KCNK3: variants seen among roughly 807,000 people sequenced by gnomAD.
KCNK3 encodes potassium channel subfamily K member 3.
Under a neutral mutation model 27.3 loss-of-function variants are expected in KCNK3, and 9 were observed. That is an observed-to-expected ratio of 0.33 (90% CI 0.20 to 0.57). The LOEUF (loss-of-function observed/expected upper bound fraction) is 0.57. Among genes scored for constraint, KCNK3 ranks in the 20% least tolerant of loss-of-function variants. KCNK3 has a pLI of 0.87. For synonymous variants in KCNK3, 278 were observed against 273.8 expected, an observed-to-expected ratio of 1.02 and a Z score of -0.15; for missense variants, 391 against 577.7, an observed-to-expected ratio of 0.68 and a Z score of 3.31.
chr2:26,707,845 C>T (rs979243486), intron 1 of KCNK3, among the ~76,000 whole-genome samples: 7 of 152,164 alleles, frequency 4.6e-5, no homozygotes, highest in Admixed American at 3.3e-4. Context: ...GGGAGATGGG[C>T]AGTGGCGTGC....
intron 1 of KCNK3, chr2:26,724,525 A>C: frequency 4.6e-6 from 4 of 875,208 alleles, no homozygotes; most frequent in Non-Finnish European, 4.1e-6. Flanking sequence ...CCTTGTAAGA[A>C]GTTTTTGAGG....
intron 1 of KCNK3, among the ~76,000 whole-genome samples, chr2:26,717,155 C>A (rs1475485021): frequency 6.6e-6 from 1 of 152,174 alleles, no homozygotes; most frequent in Non-Finnish European, 1.5e-5. Flanking sequence ...GGTAGCCAGG[C>A]CTCCTGACTC....
At position 26,728,227 on chromosome 2, in the gene KCNK3, A is replaced by G. The variant is rs779537390; in HGVS notation, c.844A>G (p.Thr282Ala). 7 of 1,568,546 alleles carry G rather than the reference A, an allele frequency of 4.5e-6. No individual in the cohort carries two copies. In the East Asian group the frequency reaches 1.4e-4, roughly 32 times the overall value. Reference protein sequence around the residue: ...GGGGGGSAHTTDTASSTAAAG... With the variant: ...GGGGGGSAHTADTASSTAAAG... ...CGGAGGGGGTGGCAGCGCGCACACT[A>G]CGGACACCGCCTCATCCACGGCGGC... Residue 282 changes from threonine (T) to alanine (A), a missense_variant, in exon 2 of 2, where the codon ACG becomes GCG. Around this residue, in one of 4 missense-constraint regions of KCNK3, gnomAD observed 192 missense variants for 196.0 expected, o/e 0.98. Coordinates refer to ENST00000302909, the MANE Select transcript of KCNK3 (RefSeq NM_002246.3).
At position 26,693,845 on chromosome 2, in the gene KCNK3, A is replaced by T. The variant is rs1670201542; in HGVS notation, c.283+687A>T. On this transcript the variant is annotated intron_variant, in intron 1 of 1. Coordinates refer to ENST00000302909, the MANE Select transcript of KCNK3 (RefSeq NM_002246.3). The surrounding 1 kb of genome is among the most constrained non-coding windows in gnomAD (Gnocchi z 5.5). The stretch of plus-strand genomic sequence containing the variant: ...GAATAACCCCAGTTCTTTCCAAGCC[A>T]GGGCAGATCACCATGTAGGAGGCCA... Among the ~76,000 whole-genome samples the T allele has an allele frequency of 6.6e-6, 1 of 152,164 alleles. No homozygotes were observed. Among genetic ancestry groups the T allele is most frequent in the South Asian group, 2.1e-4 (1 of 4,832 alleles).
rs1425961308 is a variant in KCNK3, at chr2:26,693,218, G to C, written c.283+60G>C. The C allele has an allele frequency of 3.1e-6, 4 of 1,278,868 alleles. No homozygotes were observed. In the African/African-American group the frequency reaches 6.3e-5, roughly 20 times the overall value. 79.2% of individuals were successfully genotyped at this position (1,278,868 alleles called of 1,614,324 possible). On this transcript the variant is annotated intron_variant, in intron 1 of 1. Coordinates refer to ENST00000302909, the MANE Select transcript of KCNK3 (RefSeq NM_002246.3). This position sits in a 1 kb window ranked among gnomAD's most constrained non-coding sequence, Gnocchi z 5.5. ...GGCTGGGCGCGGGGCTCCGGGAGTC[G>C]TCCGGGGCCGGCTGGGGCTGGGGGC...
At chr2:26,707,852 G>A (rs576405982) in intron 1 of KCNK3, among the ~76,000 whole-genome samples, 4 of 152,232 alleles carry the variant, frequency 2.6e-5, no homozygotes, top group South Asian at 2.1e-4. Context: ...GGGCAGTGGC[G>A]TGCCTCCACT....
At chr2:26,696,594 T>G (rs1572600520) in intron 1 of KCNK3, among the ~76,000 whole-genome samples, 1 of 152,138 alleles carries the variant, frequency 6.6e-6, no homozygotes, top group African/African-American at 2.4e-5. Context: ...CAGCTCCCTA[T>G]CCCTGGTCTC....
Position 26,698,967 on chromosome 2 carries a change from A to G in KCNK3, c.283+5809A>G, listed in dbSNP as rs1317921277. 2.6e-5 allele frequency among the ~76,000 whole-genome samples: 4 copies of G among 152,136 alleles called. No homozygotes were observed. In the East Asian group the frequency reaches 7.7e-4, roughly 29 times the overall value. On this transcript the variant is annotated intron_variant, in intron 1 of 1. Coordinates refer to ENST00000302909, the MANE Select transcript of KCNK3 (RefSeq NM_002246.3). Reference sequence around the variant, plus strand: ...CGAGGTGGGCAGATCGCGTGAGGTCAGGAGTTCAAGACCAGCCTGGTCAAC... The same window carrying G: ...CGAGGTGGGCAGATCGCGTGAGGTCGGGAGTTCAAGACCAGCCTGGTCAAC...
At chr2:26,707,543 C>T (rs1731243) in intron 1 of KCNK3, among the ~76,000 whole-genome samples, 72,701 of 152,046 alleles carry the variant, frequency 0.48, 19,880 homozygotes, top group Admixed American at 0.64. Context: ...AGGGTCAGGG[C>T]TTAGCCCTGG....
At position 26,721,340 on chromosome 2, in the gene KCNK3, A is replaced by T. The variant is rs1158807124; in HGVS notation, c.284-6327A>T. Among the ~76,000 whole-genome samples the T allele has an allele frequency of 1.1e-4, 16 of 152,084 alleles. No homozygotes were observed. The highest frequency in any genetic ancestry group is 2.9e-5 in the Non-Finnish European group (2 of 67,984). On this transcript the variant is annotated intron_variant, in intron 1 of 1. Coordinates refer to ENST00000302909, the MANE Select transcript of KCNK3 (RefSeq NM_002246.3). The surrounding 1 kb of genome is among the most constrained non-coding windows in gnomAD (Gnocchi z 4.3). ...AGGCAGTGTCTGAGCTGCATCTCAC[A>T]GGAGGAGGGAGAGCACCTGCGCCCT...
chr2:26,707,387 C>G (rs532880207), intron 1 of KCNK3, among the ~76,000 whole-genome samples: 2 of 152,356 alleles, frequency 1.3e-5, no homozygotes, highest in South Asian at 4.1e-4. Flanking sequence ...TGCACCCCAG[C>G]TGGCCCAGGA....
intron 1 of KCNK3, among the ~76,000 whole-genome samples, chr2:26,709,400 C>T (rs1360057748): frequency 6.6e-6 from 1 of 152,074 alleles, no homozygotes; most frequent in African/African-American, 2.4e-5. Flanking sequence ...AGGAAGGGAG[C>T]CTGCCAGGAG....
In KCNK3 at chr2:26,728,436, C is replaced by T. The variant is rs543371252; in HGVS notation, c.1053C>T (p.Gly351=). The T allele has an allele frequency of 2.2e-4, 351 of 1,589,516 alleles. 6 individuals are homozygous for T. In the South Asian group the frequency reaches 3.7e-3, roughly 17 times the overall value. Residue 351 remains glycine (G), a synonymous_variant, in exon 2 of 2, where the codon GGC becomes GGT. Coordinates refer to ENST00000302909, the MANE Select transcript of KCNK3 (RefSeq NM_002246.3). ...EQSHSSPGGG[G]RYSDTPSRRC... is the part of the protein sequence containing the mutation. ...GCCACTCGTCGCCGGGAGGGGGCGGCCGCTACAGCGACACGCCCTCGCGAC... is the reference window on the plus strand; with the variant it reads ...GCCACTCGTCGCCGGGAGGGGGCGGTCGCTACAGCGACACGCCCTCGCGAC...
intron 1 of KCNK3, among the ~76,000 whole-genome samples, chr2:26,702,305 A>G (rs1670318074): frequency 6.6e-6 from 1 of 152,252 alleles, no homozygotes; most frequent in South Asian, 2.1e-4. Flanking sequence ...ATAGTAGCAC[A>G]AGACCTGTTT....
At chr2:26,708,571 C>T (rs936245828) in intron 1 of KCNK3, among the ~76,000 whole-genome samples, 25 of 152,012 alleles carry the variant, frequency 1.6e-4, no homozygotes, top group African/African-American at 5.6e-4. Flanking sequence ...CCCAGCTACT[C>T]GGGAGGCTGA....
intron 1 of KCNK3, among the ~76,000 whole-genome samples, chr2:26,700,749 C>T (rs550147490): frequency 1.3e-5 from 2 of 151,934 alleles, no homozygotes; most frequent in East Asian, 1.9e-4. Context: ...TCATCATCAC[C>T]ATCATCATCA....
At chr2:26,707,851 C>T (rs925157872) in intron 1 of KCNK3, among the ~76,000 whole-genome samples, 12 of 152,122 alleles carry the variant, frequency 7.9e-5, no homozygotes, top group African/African-American at 1.4e-4. Context: ...TGGGCAGTGG[C>T]GTGCCTCCAC....
At position 26,713,617 on chromosome 2, in the gene KCNK3, T is replaced by C. The variant is rs572238883; in HGVS notation, c.284-14050T>C. ...CAACATGGTGAAACCCCATCTCTAC[T>C]AAAAAATACAAAAAATTTGCTGGGT... On this transcript the variant is annotated intron_variant, in intron 1 of 1. Coordinates refer to ENST00000302909, the MANE Select transcript of KCNK3 (RefSeq NM_002246.3). Among the ~76,000 whole-genome samples the C allele has an allele frequency of 4.0e-4, 60 of 151,650 alleles. 1 individual carries two copies. Among genetic ancestry groups the C allele is most frequent in the Admixed American group, 3.9e-3 (60 of 15,238 alleles).
At position 26,728,610 on chromosome 2, in the gene KCNK3, G is replaced by A. The variant is rs1663478408; in HGVS notation, c.*42G>A. The A allele has an allele frequency of 7.1e-7, 1 of 1,404,534 alleles. No homozygotes were observed. The allele number at this position is 1,404,534 out of a possible 1,614,324, so 87.0% of individuals were successfully genotyped here. ...GGAGCACCTGGGGGCGCGGGCGGGG[G>A]ACCCCTGCTGGGAGGCCAGGAGACT... is the stretch of plus-strand genomic sequence containing the variant. On this transcript the variant is annotated 3_prime_UTR_variant, in exon 2 of 2. Coordinates refer to ENST00000302909, the MANE Select transcript of KCNK3 (RefSeq NM_002246.3).
Sources: gnomAD v4.1 joint callset for allele counts (sites outside exome capture counted in the v4.1 genomes callset) on GRCh38, gnomAD v4.1.1 for gene constraint, gnomAD v4.1.1 regional missense constraint, Gnocchi (gnomAD v3.1) non-coding constraint, MANE v1.5 for transcripts, NCBI Gene and HGNC (gene_info 2026-07-23, HGNC 2026-07-21) for gene names.